Variants in CNTNAP2 observed in about 807,000 individuals in gnomAD.
CNTNAP2 encodes the protein contactin-associated protein-like 2.
Under a neutral mutation model 155.2 loss-of-function variants are expected in CNTNAP2, and 98 were observed. That is an observed-to-expected ratio of 0.63 (90% CI 0.54 to 0.75). The LOEUF (loss-of-function observed/expected upper bound fraction) is 0.75. Ranked by LOEUF, CNTNAP2 falls within the 30% of genes least tolerant of loss-of-function variation. The pLI is 0.00. For synonymous variants in CNTNAP2, 651 were observed against 631.2 expected, an observed-to-expected ratio of 1.03 and a Z score of -0.47; for missense variants, 1,727 against 1,688.1, an observed-to-expected ratio of 1.02 and a Z score of -0.40.
At chr7:147,789,665 T>C (rs1425448681) in intron 13 of CNTNAP2, among the ~76,000 whole-genome samples, 1 of 152,130 alleles carries the variant, frequency 6.6e-6, no homozygotes, top group Non-Finnish European at 1.5e-5. Flanking sequence ...GGAGCGAAAG[T>C]CTCCCAGTGT....
rs1019660684 is a variant in CNTNAP2, at chr7:147,253,389, T to G, written c.1349-46752T>G. On this transcript the variant is annotated intron_variant, in intron 8 of 23. Transcript: ENST00000361727. ...TTAGCTTAACAGGTTCTCTGTTTTTTTTTTTTTTTTTTTTAGAAAAAGATA... is the reference window on the plus strand; with the variant it reads ...TTAGCTTAACAGGTTCTCTGTTTTTGTTTTTTTTTTTTTTAGAAAAAGATA... 4.6e-5 allele frequency among the ~76,000 whole-genome samples: 7 copies of G among 151,938 alleles called. No homozygotes were observed. The East Asian group carries it at 1.4e-3, about 29-fold the overall frequency.
At chr7:147,049,541 G>GC (rs1482075677) in intron 4 of CNTNAP2, among the ~76,000 whole-genome samples, 1 of 88,342 alleles carries the variant, frequency 1.1e-5, no homozygotes, top group Non-Finnish European at 1.9e-5. Flanking sequence ...ACTTTGAGTG[G>GC]GGAATGTAGA....
Position 148,366,119 on chromosome 7 carries a change from TGTGTATGC to T in CNTNAP2, c.3476-17529_3476-17522del, listed in dbSNP as rs1283070853. Among the ~76,000 whole-genome samples the T allele has an allele frequency of 1.6e-4, 7 of 43,438 alleles. 3 individuals are homozygous for T. Among genetic ancestry groups the T allele is most frequent in the African/African-American group, 4.5e-4 (7 of 15,638 alleles). The allele number at this position is 43,438 out of a possible 152,430, so 28.5% of individuals were successfully genotyped here. A position where few individuals can be genotyped will look rare whatever the true frequency, so the allele number is the denominator to read the frequency against. On this transcript the variant is annotated intron_variant, in intron 21 of 23. Coordinates refer to ENST00000361727, the MANE Select transcript of CNTNAP2 (RefSeq NM_014141.6). ...GTATGTGTATGCATGTATGCATGTATGTGTATGCATGTATGCATGTATGTGTATGCATG... is the reference window on the plus strand; with the variant it reads ...GTATGTGTATGCATGTATGCATGTATATGTATGCATGTATGTGTATGCATG...
intron 17 of CNTNAP2, among the ~76,000 whole-genome samples, chr7:148,156,983 C>A (rs1805410994): frequency 6.6e-6 from 1 of 152,184 alleles, no homozygotes; most frequent in African/African-American, 2.4e-5. Flanking sequence ...TTCATGCTGA[C>A]TTCTTGGAAC....
At chr7:147,658,519 T>A (rs1475148706) in intron 13 of CNTNAP2, among the ~76,000 whole-genome samples, 1 of 152,156 alleles carries the variant, frequency 6.6e-6, no homozygotes, top group African/African-American at 2.4e-5. Flanking sequence ...TAAACTAGGA[T>A]GCCAGTGTAT....
chr7:146,393,590 C>G (rs540552013), intron 1 of CNTNAP2, among the ~76,000 whole-genome samples: 1 of 152,222 alleles, frequency 6.6e-6, no homozygotes, highest in East Asian at 1.9e-4. Context: ...ATGGAGCCTC[C>G]CTAACTCAAG....
intron 13 of CNTNAP2, among the ~76,000 whole-genome samples, chr7:147,866,681 C>T (rs1327034042): frequency 1.3e-5 from 2 of 151,864 alleles, no homozygotes; most frequent in Non-Finnish European, 2.9e-5. Flanking sequence ...TATGAAATGG[C>T]CTTCTTTGCC....
At chr7:146,216,837 G>A (rs1193087968) in intron 1 of CNTNAP2, among the ~76,000 whole-genome samples, 1 of 152,158 alleles carries the variant, frequency 6.6e-6, no homozygotes, top group African/African-American at 2.4e-5. Context: ...TGTTTTATAG[G>A]AGGTTGGTTT....
chr7:147,028,699 G>A (rs952419097), intron 3 of CNTNAP2, among the ~76,000 whole-genome samples: 10 of 152,254 alleles, frequency 6.6e-5, no homozygotes, highest in African/African-American at 2.2e-4. Flanking sequence ...GACTGATTAT[G>A]CATAAAGCTA....
At chr7:147,375,843 G>C (rs1230308669) in intron 9 of CNTNAP2, among the ~76,000 whole-genome samples, 1 of 151,916 alleles carries the variant, frequency 6.6e-6, no homozygotes, top group African/African-American at 2.4e-5. Context: ...CTCTTACTTT[G>C]GTGAGTTTTC....
chr7:148,166,840 C>T (rs1454769657), intron 17 of CNTNAP2, among the ~76,000 whole-genome samples: 1 of 152,112 alleles, frequency 6.6e-6, no homozygotes, highest in Non-Finnish European at 1.5e-5. Flanking sequence ...AAACTTATGA[C>T]GTTTGTCACC....
intron 1 of CNTNAP2, among the ~76,000 whole-genome samples, chr7:146,397,629 T>C (rs1439016128): frequency 6.6e-6 from 1 of 152,098 alleles, no homozygotes; most frequent in Non-Finnish European, 1.5e-5. Context: ...CTCCTTATGT[T>C]TCCAATAGTT....
At chr7:147,163,207 C>T (rs903426626) in intron 8 of CNTNAP2, among the ~76,000 whole-genome samples, 6 of 152,120 alleles carry the variant, frequency 3.9e-5, no homozygotes, top group African/African-American at 1.4e-4. Flanking sequence ...GACAATGAGT[C>T]TCATGTCAGA....
At chr7:146,967,233 A>G (rs1797676061) in intron 3 of CNTNAP2, among the ~76,000 whole-genome samples, 1 of 152,182 alleles carries the variant, frequency 6.6e-6, no homozygotes, top group South Asian at 2.1e-4. Context: ...ATTTTTATTG[A>G]TGTAGACTTT....
chr7:147,732,372 C>A (rs572370300), intron 13 of CNTNAP2, among the ~76,000 whole-genome samples: 1 of 152,008 alleles, frequency 6.6e-6, no homozygotes, highest in East Asian at 1.9e-4. Flanking sequence ...TGAACTCATC[C>A]TTTTTATGGC....
intron 1 of CNTNAP2, among the ~76,000 whole-genome samples, chr7:146,729,006 G>A (rs1187839240): frequency 2.0e-5 from 3 of 152,158 alleles, no homozygotes; most frequent in Non-Finnish European, 4.4e-5. Flanking sequence ...CACAAGTGTT[G>A]AATACCATTC....
chr7:147,028,975 T>C (rs1463659103), intron 3 of CNTNAP2, among the ~76,000 whole-genome samples: 2 of 145,778 alleles, frequency 1.4e-5, no homozygotes, highest in East Asian at 4.0e-4. Context: ...TTTTTTTTTT[T>C]TTTTTTGAGA....
intron 1 of CNTNAP2, among the ~76,000 whole-genome samples, chr7:146,680,479 C>A (rs184786985): frequency 6.5e-4 from 99 of 152,242 alleles, no homozygotes; most frequent in Non-Finnish European, 1.1e-3. Context: ...ATTACAGCAG[C>A]TGAAGAACTC....
chr7:148,256,042 T>C (rs1373495429), intron 20 of CNTNAP2, among the ~76,000 whole-genome samples: 1 of 152,132 alleles, frequency 6.6e-6, no homozygotes, highest in Non-Finnish European at 1.5e-5. Context: ...GAACCTGAAA[T>C]TGACAATCTT....
Sources: allele counts gnomAD v4.1 joint callset (sites outside exome capture counted in the v4.1 genomes callset), GRCh38; gene constraint gnomAD v4.1.1; transcripts MANE v1.5; gene names NCBI Gene and HGNC (gene_info 2026-07-23, HGNC 2026-07-21).